The following FRMPD4 variants were observed in gnomAD, a reference collection of about 807,000 sequenced individuals.
The protein encoded by FRMPD4 is FERM and PDZ domain-containing protein 4.
A neutral mutation model predicts 94.1 loss-of-function variants in FRMPD4; 22 were observed. That is an observed-to-expected ratio of 0.23 (90% CI 0.17 to 0.33). FRMPD4 has a LOEUF of 0.33. Among genes scored for constraint, FRMPD4 ranks in the 10% least tolerant of loss-of-function variants. The pLI is 1.00. For missense variants in FRMPD4, 1,111 were observed against 1,339.9 expected (o/e 0.83, Z 2.67); for synonymous variants, 631 against 548.6 (o/e 1.15, Z -2.10).
intron 1 of FRMPD4, among the ~76,000 whole-genome samples, chrX:12,251,009 A>T (rs1254451351): frequency 2.7e-4 from 30 of 112,134 alleles, no homozygotes; most frequent in Admixed American, 2.3e-3. Flanking sequence ...TACTATGAGC[A>T]CCTATCCGCC....
At chrX:12,331,227 T>G (rs1012914694) in intron 1 of FRMPD4, among the ~76,000 whole-genome samples, 2 of 108,317 alleles carry the variant, frequency 1.8e-5, no homozygotes, top group East Asian at 2.8e-4. Context: ...GGATTTCGTT[T>G]TTTTTTTTTT....
chrX:12,165,689 A>G (rs1331250219), intron 1 of FRMPD4, among the ~76,000 whole-genome samples: 8 of 111,617 alleles, frequency 7.2e-5, no homozygotes, highest in Non-Finnish European at 7.5e-5. Flanking sequence ...TGAGCATGGA[A>G]TGTTCTTCCA....
intron 2 of FRMPD4, among the ~76,000 whole-genome samples, chrX:12,502,756 G>T (rs1432611097): frequency 8.9e-6 from 1 of 111,847 alleles, no homozygotes; most frequent in Non-Finnish European, 1.9e-5. Flanking sequence ...TACATAGATG[G>T]ATATAGACTA....
chrX:12,340,672 T>A (rs180796914), intron 1 of FRMPD4, among the ~76,000 whole-genome samples: 68 of 112,003 alleles, frequency 6.1e-4, no homozygotes, highest in Non-Finnish European at 7.9e-4. Context: ...ATAAAAAAAA[T>A]TTATTTTTAT....
At chrX:12,185,008 T>C (rs1415894980) in intron 1 of FRMPD4, among the ~76,000 whole-genome samples, 1 of 111,653 alleles carries the variant, frequency 9.0e-6, no homozygotes, top group Non-Finnish European at 1.9e-5. Context: ...TTGGACTGTT[T>C]GTAACACAAA....
rs535378893 is a variant in FRMPD4, at chrX:12,682,497, A to G, written c.469-986A>G. Among the ~76,000 whole-genome samples the G allele has an allele frequency of 2.4e-4, 27 of 112,745 alleles. 1 individual carries two copies. The highest frequency in any genetic ancestry group is 4.6e-3 in the Middle Eastern group (1 of 217). ...TGACCATTTTCATTTATAAAATAACAATTATATGATTCAAACTATTTACCT... is the reference window on the plus strand; with the variant it reads ...TGACCATTTTCATTTATAAAATAACGATTATATGATTCAAACTATTTACCT... On this transcript the variant is annotated intron_variant, in intron 5 of 16. Coordinates refer to ENST00000675598, the MANE Select transcript of FRMPD4 (RefSeq NM_001368397.1).
intron 4 of FRMPD4, among the ~76,000 whole-genome samples, chrX:12,645,030 A>C (rs1602254490): frequency 9.0e-6 from 1 of 111,656 alleles, no homozygotes; most frequent in African/African-American, 3.3e-5. Context: ...TGAGTTTCAA[A>C]GAGACCATTA....
In FRMPD4 at chrX:12,470,590, T is replaced by C. The variant is rs181380609; in HGVS notation, c.42-28090T>C. 2.4e-3 allele frequency among the ~76,000 whole-genome samples: 264 copies of C among 112,307 alleles called. 1 individual carries two copies. Among genetic ancestry groups the C allele is most frequent in the Middle Eastern group, 9.2e-3 (2 of 217 alleles). On this transcript the variant is annotated intron_variant, in intron 1 of 16. Transcript: ENST00000675598. ...CTCACACATATTAAACATGAATTAGTTGTGTTTGTGAATGAACATAAACAT... is the reference window on the plus strand; with the variant it reads ...CTCACACATATTAAACATGAATTAGCTGTGTTTGTGAATGAACATAAACAT...
chrX:12,707,035 TC>T, intron 12 of FRMPD4, 120 bp downstream of exon 12: 2 of 417,558 alleles, frequency 4.8e-6, no homozygotes, highest in Admixed American at 8.9e-5. Context: ...CTAACCAACT[TC>T]ACAACAGTCT....
chrX:12,056,555 G>A (rs941335386), intron 3 of FRMPD4, among the ~76,000 whole-genome samples: 5 of 111,306 alleles, frequency 4.5e-5, no homozygotes, highest in Admixed American at 9.6e-5. Context: ...TAGTTTCTAC[G>A]ACACCTTGGA....
At chrX:12,477,244 G>T (rs1043653351) in intron 1 of FRMPD4, among the ~76,000 whole-genome samples, 2 of 111,115 alleles carry the variant, frequency 1.8e-5, no homozygotes, top group Admixed American at 9.6e-5. Context: ...TCGTAGGTGG[G>T]GATTGTATAA....
intron 1 of FRMPD4, among the ~76,000 whole-genome samples, chrX:12,484,826 G>T (rs770082737): frequency 8.9e-6 from 1 of 111,943 alleles, no homozygotes; most frequent in South Asian, 3.8e-4. Flanking sequence ...GCAAATGGTG[G>T]CCCTGGAGAT....
chrX:12,401,440 A>C (rs905318480), intron 1 of FRMPD4, among the ~76,000 whole-genome samples: 3 of 111,072 alleles, frequency 2.7e-5, no homozygotes, highest in Non-Finnish European at 5.7e-5. Context: ...GAGTGAGGAC[A>C]GTCTGAGGAC....
At chrX:12,276,533 G>T (rs1172354039) in intron 1 of FRMPD4, among the ~76,000 whole-genome samples, 3 of 112,190 alleles carry the variant, frequency 2.7e-5, no homozygotes, top group Non-Finnish European at 5.6e-5. Context: ...TTACAATAAG[G>T]GGTTGTAGAG....
At chrX:12,173,705 G>A (rs1398783553) in intron 1 of FRMPD4, among the ~76,000 whole-genome samples, 1 of 111,348 alleles carries the variant, frequency 9.0e-6, no homozygotes, top group Non-Finnish European at 1.9e-5. Context: ...GGGGCCTCTG[G>A]TCTTGATTTT....
intron 4 of FRMPD4, among the ~76,000 whole-genome samples, chrX:12,626,745 C>T (rs2059350180): frequency 9.5e-6 from 1 of 104,758 alleles, no homozygotes; most frequent in African/African-American, 3.5e-5. Context: ...TTATTGCAGT[C>T]GATGGGAGAT....
intron 1 of FRMPD4, among the ~76,000 whole-genome samples, chrX:11,824,275 G>A (rs371866833): frequency 2.0e-4 from 22 of 111,708 alleles, no homozygotes; most frequent in African/African-American, 5.8e-4. Flanking sequence ...CATAATAGAC[G>A]TAAGTGGGGA....
chrX:12,689,094 T>G (rs1044594724), intron 7 of FRMPD4, among the ~76,000 whole-genome samples: 2 of 111,610 alleles, frequency 1.8e-5, no homozygotes, highest in Non-Finnish European at 3.8e-5. Context: ...TCCAGAAATT[T>G]CCAAATGTTG....
chrX:12,357,548 T>C (rs12396407), intron 1 of FRMPD4, among the ~76,000 whole-genome samples: 2,283 of 112,108 alleles, frequency 0.02, 58 homozygotes, highest in African/African-American at 0.07. Flanking sequence ...GAATCCATCA[T>C]TGGCCACAGC....
Sources: gnomAD v4.1 joint callset for allele counts (sites outside exome capture counted in the v4.1 genomes callset) on GRCh38, gnomAD v4.1.1 for gene constraint, MANE v1.5 for transcripts, NCBI Gene and HGNC (gene_info 2026-07-23, HGNC 2026-07-21) for gene names.